The following CPQ variants were observed in gnomAD, a reference collection of about 807,000 sequenced individuals.
CPQ encodes carboxypeptidase Q.
Under a neutral mutation model 45.7 loss-of-function variants are expected in CPQ, and 37 were observed. The ratio of observed to expected loss-of-function variants is 0.81; its 90% CI spans 0.62 to 1.07. The LOEUF is 1.07. Ranked by LOEUF, CPQ falls within the 50% of genes least tolerant of loss-of-function variation. The pLI, the probability that CPQ is intolerant of heterozygous loss-of-function variation, is 0.00. For missense variants in CPQ, 537 were observed against 572.9 expected (o/e 0.94, Z 0.64); for synonymous variants, 186 against 205.8 (o/e 0.90, Z 0.82).
At chr8:97,017,364 C>T (rs1469483375) in intron 5 of CPQ, among the ~76,000 whole-genome samples, 1 of 152,182 alleles carries the variant, frequency 6.6e-6, no homozygotes, top group African/African-American at 2.4e-5. Flanking sequence ...AGGAAACCTC[C>T]AGCTGAACTT....
chr8:96,775,784 C>G (rs1037044677), intron 1 of CPQ, among the ~76,000 whole-genome samples: 1 of 152,122 alleles, frequency 6.6e-6, no homozygotes, highest in African/African-American at 2.4e-5. Context: ...CTAGTGTCCC[C>G]GGCCTCTGCC....
intron 4 of CPQ, among the ~76,000 whole-genome samples, chr8:96,928,464 G>A (rs1275430427): frequency 6.6e-6 from 1 of 151,618 alleles, no homozygotes; most frequent in East Asian, 1.9e-4. Flanking sequence ...CAGGGAGAGA[G>A]AGACCTTGTG....
At chr8:96,969,962 C>T (rs1813634879) in intron 5 of CPQ, among the ~76,000 whole-genome samples, 1 of 152,126 alleles carries the variant, frequency 6.6e-6, no homozygotes, top group Admixed American at 6.5e-5. Flanking sequence ...GCCTCCCTGG[C>T]CCAGAATACA....
At chr8:96,682,808 C>A (rs1212603908) in intron 1 of CPQ, among the ~76,000 whole-genome samples, 1 of 152,000 alleles carries the variant, frequency 6.6e-6, no homozygotes, top group African/African-American at 2.4e-5. Context: ...TTTTTCCATC[C>A]CTTTACTTTC....
chr8:96,847,804 T>C (rs1586424690), intron 3 of CPQ, among the ~76,000 whole-genome samples: 1 of 151,952 alleles, frequency 6.6e-6, no homozygotes, highest in Non-Finnish European at 1.5e-5. Context: ...CAGCAATTGC[T>C]TCTGAGTTTC....
intron 1 of CPQ, among the ~76,000 whole-genome samples, chr8:96,720,429 A>G (rs138858835): frequency 6.5e-4 from 99 of 152,288 alleles, no homozygotes; most frequent in African/African-American, 2.3e-3. Flanking sequence ...TTTGTTTAGA[A>G]GGCAGTAGAA....
chr8:96,913,517 T>G (rs988114890), intron 4 of CPQ, among the ~76,000 whole-genome samples: 4 of 152,168 alleles, frequency 2.6e-5, no homozygotes, highest in African/African-American at 9.7e-5. Flanking sequence ...TGGATTGGAC[T>G]CTCCTCTATC....
intron 7 of CPQ, among the ~76,000 whole-genome samples, chr8:97,119,565 T>A (rs1811662853): frequency 6.6e-6 from 1 of 152,132 alleles, no homozygotes; most frequent in African/African-American, 2.4e-5. Context: ...ATGATTTAAA[T>A]TCAAAGTATT....
At chr8:96,728,334 A>C (rs927326886) in intron 1 of CPQ, among the ~76,000 whole-genome samples, 8 of 152,122 alleles carry the variant, frequency 5.3e-5, no homozygotes, top group African/African-American at 1.9e-4. Flanking sequence ...AATGGCTCTC[A>C]AACTTATTTG....
intron 5 of CPQ, among the ~76,000 whole-genome samples, chr8:97,013,440 A>G (rs1420276455): frequency 2.0e-5 from 3 of 152,222 alleles, no homozygotes; most frequent in African/African-American, 7.2e-5. Flanking sequence ...ACAAATACGT[A>G]TAGGGCTCCT....
At position 97,130,432 on chromosome 8, in the gene CPQ, T is replaced by G. The variant is rs1041456900; in HGVS notation, c.1256-12588T>G. Among the ~76,000 whole-genome samples the G allele has an allele frequency of 2.0e-3, 300 of 151,504 alleles. 2 individuals are homozygous for G. The highest frequency in any genetic ancestry group is 6.9e-3 in the African/African-American group (287 of 41,374). On this transcript the variant is annotated intron_variant, in intron 7 of 7. Transcript: ENST00000220763. Reference sequence around the variant, plus strand: ...ATCATCGTCAGCTGTTTTTTTTTTTTTTTTTTTTTTCCACAAAAATGTGTA... The same window carrying G: ...ATCATCGTCAGCTGTTTTTTTTTTTGTTTTTTTTTTCCACAAAAATGTGTA...
chr8:97,054,289 A>T (rs28517484), intron 6 of CPQ, among the ~76,000 whole-genome samples: 1 of 152,166 alleles, frequency 6.6e-6, no homozygotes, highest in African/African-American at 2.4e-5. Flanking sequence ...GTTGTCGTGG[A>T]TGTGGTGAAA....
intron 1 of CPQ, among the ~76,000 whole-genome samples, chr8:96,705,929 T>A (rs1303114059): frequency 1.3e-5 from 2 of 152,278 alleles, no homozygotes; most frequent in East Asian, 3.9e-4. Context: ...TTCTCTTTGA[T>A]AATGGATCTA....
chr8:97,013,411 C>T (rs763501409), intron 5 of CPQ, among the ~76,000 whole-genome samples: 22 of 152,146 alleles, frequency 1.4e-4, no homozygotes, highest in Non-Finnish European at 2.5e-4. Context: ...TTCTGTTACA[C>T]GTGGTAATAC....
chr8:96,850,250 A>G (rs1811752600), intron 3 of CPQ, among the ~76,000 whole-genome samples: 1 of 152,186 alleles, frequency 6.6e-6, no homozygotes, highest in Non-Finnish European at 1.5e-5. Flanking sequence ...TAAGCTTTCC[A>G]TGGGCTTTGA....
intron 3 of CPQ, 26 bp from the exon 4 acceptor site, chr8:96,879,772 G>A: frequency 6.3e-7 from 1 of 1,594,098 alleles, no homozygotes; most frequent in Non-Finnish European, 8.6e-7. Flanking sequence ...CACTTTCAAG[G>A]TAACCTGGTG....
intron 1 of CPQ, among the ~76,000 whole-genome samples, chr8:96,706,791 A>G (rs1054091690): frequency 6.6e-6 from 1 of 152,190 alleles, no homozygotes; most frequent in Non-Finnish European, 1.5e-5. Context: ...AATAGTCATT[A>G]CTTACGTCTT....
intron 6 of CPQ, among the ~76,000 whole-genome samples, chr8:97,041,920 CATCAAGGAT>C (rs1374460066): frequency 6.6e-6 from 1 of 152,226 alleles, no homozygotes; most frequent in Non-Finnish European, 1.5e-5. Context: ...CATCAATGTT[CATCAAGGAT>C]ATTAGTCTAA....
chr8:96,884,017 A>G (rs996559351), intron 4 of CPQ, among the ~76,000 whole-genome samples: 1 of 152,228 alleles, frequency 6.6e-6, no homozygotes, highest in Non-Finnish European at 1.5e-5. Context: ...TGGAAGTTTT[A>G]CTGCCCTTTT....
Sources: gnomAD v4.1 joint callset for allele counts (sites outside exome capture counted in the v4.1 genomes callset) on GRCh38, gnomAD v4.1.1 for gene constraint, MANE v1.5 for transcripts, NCBI Gene and HGNC (gene_info 2026-07-23, HGNC 2026-07-21) for gene names.